The following WDR59 variants were observed in gnomAD, a reference collection of about 807,000 sequenced individuals.
WDR59 encodes the protein WD repeat domain 59.
WDR59 carries 100 observed loss-of-function variants against 131.2 expected under a neutral mutation model. The ratio of observed to expected loss-of-function variants is 0.76; its 90% confidence interval spans 0.65 to 0.90. WDR59 has a LOEUF of 0.90. Among genes scored for constraint, WDR59 ranks in the 40% least tolerant of loss-of-function variants. The pLI is 0.00. For synonymous variants in WDR59, 601 were observed against 466.2 expected (o/e 1.29, Z -3.72); for missense variants, 1,203 against 1,262.2 (o/e 0.95, Z 0.71).
At chr16:74,971,426 C>CTTTTTTTTTTTTT (rs58120924) in intron 1 of WDR59, among the ~76,000 whole-genome samples, 10 of 90,186 alleles carry the variant, frequency 1.1e-4, no homozygotes, top group East Asian at 6.6e-4. Flanking sequence ...TCTTTCCTTC[C>CTTTTTTTTTTTTT]TTTTTTTTTT....
intron 1 of WDR59, among the ~76,000 whole-genome samples, chr16:74,971,604 T>C (rs1179949112): frequency 6.6e-6 from 1 of 151,892 alleles, no homozygotes; most frequent in Non-Finnish European, 1.5e-5. Context: ...GGCTGTTTTT[T>C]GTATTTTTAA....
intron 1 of WDR59, 92 bp from the exon 2 acceptor site, chr16:74,965,914 C>A: frequency 7.3e-7 from 1 of 1,378,864 alleles, no homozygotes; most frequent in Non-Finnish European, 1.0e-6. Context: ...TCCTGTCTCC[C>A]AAGAAGTCCC....
intron 9 of WDR59, 125 bp downstream of exon 9, chr16:74,923,801 C>T (rs891521454): frequency 1.2e-6 from 1 of 868,986 alleles, no homozygotes; most frequent in African/African-American, 1.7e-5. Context: ...TTTGTCCCAC[C>T]ACTAAACCAA....
chr16:74,922,121 A>T lies in WDR59; in HGVS notation c.730-18T>A. 1 of 1,613,802 alleles carries T rather than the reference A, an allele frequency of 6.2e-7. No individual in the cohort carries two copies. The highest frequency in any genetic ancestry group is 8.5e-7 in the Non-Finnish European group (1 of 1,179,834). On this transcript the variant is annotated intron_variant, in intron 9 of 25. Coordinates refer to ENST00000262144, the MANE Select transcript of WDR59 (RefSeq NM_030581.4). ...CTGAAAGGCTAAGGCAGGGAAGGGA[A>T]AAGCAGGTGATTAGATTATTTCAGG...
chr16:74,959,701 G>A (rs1404208365), intron 2 of WDR59: 1 of 296,760 alleles, frequency 3.4e-6, no homozygotes, highest in Non-Finnish European at 6.4e-6. Flanking sequence ...AGGATTGCTT[G>A]CCCAGCAATT....
At chr16:74,942,899 G>A (rs528079413) in intron 6 of WDR59, 73 bp from the exon 7 acceptor site, 4 of 1,387,320 alleles carry the variant, frequency 2.9e-6, no homozygotes, top group Admixed American at 3.9e-5. Context: ...ACAGCCAGGG[G>A]AGCTGGATAA....
chr16:74,897,156 C>T (rs1965335966), intron 18 of WDR59, among the ~76,000 whole-genome samples: 1 of 152,210 alleles, frequency 6.6e-6, no homozygotes, highest in South Asian at 2.1e-4. Context: ...TCTACGATGA[C>T]TCACTTCTTT....
At chr16:74,926,540 T>C (rs975164099) in intron 8 of WDR59, among the ~76,000 whole-genome samples, 4 of 152,202 alleles carry the variant, frequency 2.6e-5, no homozygotes, top group Non-Finnish European at 5.9e-5. Context: ...TTAATAATCA[T>C]AACCTTTTCT....
chr16:74,976,964 G>A (rs532873140), intron 1 of WDR59, among the ~76,000 whole-genome samples: 3 of 152,132 alleles, frequency 2.0e-5, no homozygotes, highest in African/African-American at 2.4e-5. Context: ...TCAAAATCAC[G>A]GCACTCCAGC....
At chr16:74,889,140 G>C (rs1192309744) in intron 21 of WDR59, among the ~76,000 whole-genome samples, 1 of 152,212 alleles carries the variant, frequency 6.6e-6, no homozygotes, top group African/African-American at 2.4e-5. Context: ...TTGAAGTCAG[G>C]AGCGTTTCTC....
intron 1 of WDR59, 94 bp from the exon 2 acceptor site, chr16:74,965,916 A>G: frequency 7.5e-7 from 1 of 1,331,290 alleles, no homozygotes; most frequent in Non-Finnish European, 1.1e-6. Flanking sequence ...CTGTCTCCCA[A>G]GAAGTCCCCA....
intron 14 of WDR59, chr16:74,911,984 G>A: frequency 3.4e-6 from 2 of 581,812 alleles, no homozygotes; most frequent in South Asian, 5.3e-5. Flanking sequence ...AGAATTCAAA[G>A]GAAGTCTATG....
chr16:74,876,529 C>T (rs894490065), intron 25 of WDR59, among the ~76,000 whole-genome samples: 32 of 152,258 alleles, frequency 2.1e-4, no homozygotes, highest in African/African-American at 5.1e-4. Flanking sequence ...ATTAAAATGT[C>T]ATCTCACAGT....
intron 6 of WDR59, among the ~76,000 whole-genome samples, chr16:74,944,517 T>C (rs1050779837): frequency 1.1e-4 from 17 of 149,298 alleles, no homozygotes; most frequent in Admixed American, 5.3e-4. Context: ...TCCCGGGCTA[T>C]GAGAACTCTC....
At chr16:74,923,744 G>C (rs1313083027) in intron 9 of WDR59, among the ~76,000 whole-genome samples, 182 bp downstream of exon 9, 1 of 151,982 alleles carries the variant, frequency 6.6e-6, no homozygotes, top group Non-Finnish European at 1.5e-5. Context: ...GCCCGGCCAA[G>C]AATAAAATTT....
intron 20 of WDR59, among the ~76,000 whole-genome samples, chr16:74,890,809 C>A (rs1487241419): frequency 6.6e-6 from 1 of 152,088 alleles, no homozygotes; most frequent in Admixed American, 6.6e-5. Context: ...GTTCCCACCC[C>A]CTCAATACCT....
intron 17 of WDR59, 36 bp from the exon 18 acceptor site, chr16:74,904,136 C>T: frequency 6.3e-7 from 1 of 1,592,728 alleles, no homozygotes. Flanking sequence ...ACACTGGCTG[C>T]AGTCCTGTCA....
At chr16:74,908,882 G>A (rs779824514) in intron 17 of WDR59, 26 bp downstream of exon 17, 20 of 1,610,048 alleles carry the variant, frequency 1.2e-5, no homozygotes, top group Non-Finnish European at 1.3e-5. Flanking sequence ...GGAACGTAGA[G>A]CGGCTTCTGC....
intron 17 of WDR59, among the ~76,000 whole-genome samples, chr16:74,904,654 T>C (rs1351998607): frequency 2.6e-5 from 4 of 152,094 alleles, no homozygotes; most frequent in Non-Finnish European, 4.4e-5. Context: ...GGCTTTTTAG[T>C]AGGAACTAAT....
Sources: allele counts gnomAD v4.1 joint callset (sites outside exome capture counted in the v4.1 genomes callset), GRCh38; gene constraint gnomAD v4.1.1; transcripts MANE v1.5; gene names NCBI Gene and HGNC (gene_info 2026-07-23, HGNC 2026-07-21).